Variants in OPA1 observed in about 807,000 individuals in gnomAD.
OPA1 encodes the protein dynamin-like GTPase OPA1, mitochondrial.
Under a neutral mutation model 152.9 loss-of-function variants are expected in OPA1, and 59 were observed. The ratio of observed to expected loss-of-function variants is 0.39; its 90% CI spans 0.31 to 0.48. OPA1 has a LOEUF of 0.48. OPA1 is among the 20% of genes least tolerant of loss of function. The pLI, the probability that OPA1 is intolerant of heterozygous loss-of-function variation, is 0.96. For synonymous variants in OPA1, 400 were observed against 389.9 expected (o/e 1.03, Z -0.31); for missense variants, 1,008 against 1,216.8 (o/e 0.83, Z 2.55).
At chr3:193,647,299 A>G (rs1166724348) in intron 19 of OPA1, 119 bp downstream of exon 19, 11 of 700,318 alleles carry the variant, frequency 1.6e-5, no homozygotes, top group East Asian at 1.1e-4. Flanking sequence ...TTCATTTACA[A>G]TTAGACAGTA....
At chr3:193,650,737 TACTC>T (rs1007012761) in intron 21 of OPA1, among the ~76,000 whole-genome samples, 4 of 152,264 alleles carry the variant, frequency 2.6e-5, no homozygotes, top group Middle Eastern at 3.4e-3. Flanking sequence ...TAGTAGGAAA[TACTC>T]ACTCAGCATT....
chr3:193,659,594 A>G, intron 25 of OPA1, 33 bp downstream of exon 25: 3 of 1,561,812 alleles, frequency 1.9e-6, no homozygotes, highest in Non-Finnish European at 2.6e-6. Flanking sequence ...TCTTATGATG[A>G]TATAATTTTG....
chr3:193,648,818 A>G lies in OPA1; in HGVS notation c.1959A>G (p.Lys653=). 6.2e-7 allele frequency: 1 copy of G among 1,608,122 alleles called. No homozygotes were observed. Among genetic ancestry groups the G allele is most frequent in the Non-Finnish European group, 8.5e-7 (1 of 1,174,938 alleles). ...LDRNELFEKA[K]NEILDEVISL... ...AGAATGAACTATTTGAAAAAGCTAA[A>G]AATGAAATCCTTGATGAAGTTATCA... The change falls in exon 21 of 31, where the codon AAA becomes AAG. Residue 653 remains lysine, a synonymous_variant. Coordinates refer to ENST00000361510, the MANE Select transcript of OPA1 (RefSeq NM_130837.3).
intron 7 of OPA1, chr3:193,628,526 G>A (rs1200426599): frequency 6.6e-6 from 1 of 152,170 alleles, no homozygotes; most frequent in African/African-American, 2.4e-5. Flanking sequence ...TTGTTTCTGC[G>A]GAGGATTCCG....
At chr3:193,652,254 C>T (rs987220635) in intron 21 of OPA1, among the ~76,000 whole-genome samples, 11 of 152,118 alleles carry the variant, frequency 7.2e-5, no homozygotes, top group African/African-American at 2.6e-4. Context: ...TGGTGGTGCA[C>T]GCTTGTAATC....
At chr3:193,648,353 GT>G in intron 20 of OPA1, 1 of 467,816 alleles carries the variant, frequency 2.1e-6, no homozygotes. Context: ...GTCAAAACAA[GT>G]GTTGAAAGTG....
rs117429101 is a variant in OPA1 at position 193,628,943 on chromosome 3, C to T, written c.790-2669C>T. ...TTACTCTTTTTTTGAGACGGAGTTT[C>T]GCTCTTGTTGCTTAGGCTAGAGTGC... On this transcript the variant is annotated intron_variant, in intron 7 of 30. Coordinates refer to ENST00000361510, the MANE Select transcript of OPA1 (RefSeq NM_130837.3). 3.0e-3 allele frequency among the ~76,000 whole-genome samples: 461 copies of T among 152,070 alleles called. 3 individuals are homozygous for T. Among genetic ancestry groups the T allele is most frequent in the South Asian group, 0.017 (82 of 4,812 alleles).
At chr3:193,637,336 G>A (rs1733110262) in intron 10 of OPA1, 55 bp downstream of exon 10, 9 of 1,114,158 alleles carry the variant, frequency 8.1e-6, no homozygotes, top group Non-Finnish European at 1.2e-5. Flanking sequence ...AAGCAGCTTA[G>A]CTTCCTAAAA....
At chr3:193,672,921 T>G (rs914324429) in intron 29 of OPA1, among the ~76,000 whole-genome samples, 7 of 152,132 alleles carry the variant, frequency 4.6e-5, no homozygotes, top group Non-Finnish European at 7.4e-5. Context: ...TTCTCCTTAT[T>G]TTACAATAAA....
Position 193,619,864 on chromosome 3 carries a change from G to C in OPA1, c.678+928G>C, listed in dbSNP as rs558968916. Reference sequence around the variant, plus strand: ...TGAATAGGTTTTCATCTCTTTCCTTGTTCTTCAACTTTGAACTTTTTATAT... The same window carrying C: ...TGAATAGGTTTTCATCTCTTTCCTTCTTCTTCAACTTTGAACTTTTTATAT... On this transcript the variant is annotated intron_variant, in intron 6 of 30. Transcript: ENST00000361510. Among the ~76,000 whole-genome samples, 7 of 152,100 alleles carry C rather than the reference G, an allele frequency of 4.6e-5. No homozygotes were observed. In the East Asian group the frequency reaches 9.6e-4, roughly 21 times the overall value.
intron 1 of OPA1, among the ~76,000 whole-genome samples, chr3:193,601,275 A>G (rs1022990634): frequency 2.6e-5 from 4 of 152,084 alleles, no homozygotes; most frequent in Non-Finnish European, 4.4e-5. Context: ...ATCCTCGTCT[A>G]TTTCGAGGCT....
intron 6 of OPA1, among the ~76,000 whole-genome samples, chr3:193,619,330 C>T (rs1227228950): frequency 6.6e-6 from 1 of 152,128 alleles, no homozygotes; most frequent in Non-Finnish European, 1.5e-5. Flanking sequence ...AGTGTTTTCC[C>T]AAATTATTTA....
chr3:193,689,667 G>C (rs1408653773), intron 29 of OPA1, among the ~76,000 whole-genome samples: 1 of 152,112 alleles, frequency 6.6e-6, no homozygotes, highest in African/African-American at 2.4e-5. Context: ...CCACCTCCCT[G>C]CAGTAGTCCA....
intron 29 of OPA1, among the ~76,000 whole-genome samples, chr3:193,684,117 G>T (rs1020733847): frequency 6.6e-6 from 1 of 152,116 alleles, no homozygotes; most frequent in Non-Finnish European, 1.5e-5. Flanking sequence ...TTCCCTTAAA[G>T]TGGACACTGA....
chr3:193,609,170 G>A lies in OPA1; in HGVS notation c.33-5553G>A, dbSNP rs942941323. Among the ~76,000 whole-genome samples the A allele has an allele frequency of 1.2e-4, 19 of 152,248 alleles. 1 individual carries two copies. Among genetic ancestry groups the A allele is most frequent in the Admixed American group, 3.9e-4 (6 of 15,280 alleles). ...GACTCTTTATCCAATTTGCCAGTCCGTGTCTTTTAATTGGAGCATTTAGCC... is the reference window on the plus strand; with the variant it reads ...GACTCTTTATCCAATTTGCCAGTCCATGTCTTTTAATTGGAGCATTTAGCC... On this transcript the variant is annotated intron_variant, in intron 1 of 30. Transcript: ENST00000361510.
intron 13 of OPA1, 127 bp from the exon 14 acceptor site, chr3:193,643,246 C>T: frequency 1.2e-6 from 1 of 868,964 alleles, no homozygotes; most frequent in Non-Finnish European, 1.9e-6. Context: ...GAAAGAATAC[C>T]ATTTTTGTGA....
chr3:193,666,233 G>A, intron 27 of OPA1, 63 bp from the exon 28 acceptor site: 1 of 1,401,070 alleles, frequency 7.1e-7, no homozygotes, highest in Non-Finnish European at 1.0e-6. Context: ...AGTTGTATGT[G>A]TTTACGATGA....
chr3:193,637,377 TATACA>T, intron 10 of OPA1, 96 bp downstream of exon 10: 1 of 672,108 alleles, frequency 1.5e-6, no homozygotes, highest in Non-Finnish European at 2.7e-6. Flanking sequence ...CATACACATA[TATACA>T]TACTAGATGT....
intron 11 of OPA1, among the ~76,000 whole-genome samples, chr3:193,638,680 G>A (rs1024247904): frequency 6.6e-6 from 1 of 151,978 alleles, no homozygotes; most frequent in African/African-American, 2.4e-5. Flanking sequence ...ATCAATCTTC[G>A]GCCAACAACT....
Sources: gnomAD v4.1 joint callset for allele counts (sites outside exome capture counted in the v4.1 genomes callset) on GRCh38, gnomAD v4.1.1 for gene constraint, MANE v1.5 for transcripts, NCBI Gene and HGNC (gene_info 2026-07-23, HGNC 2026-07-21) for gene names.